The following MACROD2 variants were observed in gnomAD, a reference collection of about 807,000 sequenced individuals.
MACROD2 encodes mono-ADP ribosylhydrolase 2.
MACROD2 carries 36 observed loss-of-function variants against 70.4 expected under a neutral mutation model. The ratio of observed to expected loss-of-function variants is 0.51; its 90% CI spans 0.39 to 0.68. MACROD2 has a LOEUF of 0.68. Ranked by LOEUF, MACROD2 falls within the 30% of genes least tolerant of loss-of-function variation. The probability of loss-of-function intolerance (pLI) is 0.00; values close to 1 mark genes in which losing one functional copy is unlikely to be tolerated. For missense variants in MACROD2, 496 were observed against 538.4 expected, an observed-to-expected ratio of 0.92 and a Z score of 0.78; for synonymous variants, 172 against 178.8, an observed-to-expected ratio of 0.96 and a Z score of 0.30.
chr20:14,113,231 T>A (rs2054475009), intron 3 of MACROD2, among the ~76,000 whole-genome samples: 1 of 152,046 alleles, frequency 6.6e-6, no homozygotes, highest in Non-Finnish European at 1.5e-5. Flanking sequence ...GGCAGCAGCT[T>A]TTTCACTACT....
chr20:14,172,144 A>G (rs1202972800), intron 3 of MACROD2, among the ~76,000 whole-genome samples: 1 of 152,092 alleles, frequency 6.6e-6, no homozygotes, highest in Non-Finnish European at 1.5e-5. Flanking sequence ...TGCCTGATAT[A>G]GGAATAGGTA....
At chr20:14,039,001 T>C (rs2053353864) in intron 2 of MACROD2, among the ~76,000 whole-genome samples, 1 of 152,222 alleles carries the variant, frequency 6.6e-6, no homozygotes, top group South Asian at 2.1e-4. Flanking sequence ...ATCAGCATGC[T>C]CTATGAACTT....
chr20:15,597,817 G>A (rs529896648), intron 8 of MACROD2, among the ~76,000 whole-genome samples: 170 of 152,338 alleles, frequency 1.1e-3, no homozygotes, highest in African/African-American at 3.9e-3. Context: ...GGTGGCTCAC[G>A]CCTGTAGTCC....
intron 9 of MACROD2, among the ~76,000 whole-genome samples, chr20:15,882,532 G>A (rs764213258): frequency 1.3e-5 from 2 of 151,970 alleles, no homozygotes; most frequent in African/African-American, 2.4e-5. Flanking sequence ...CTTTTTTGGG[G>A]CTACTGTTTC....
In MACROD2 at chr20:15,136,116, C is replaced by G. The variant is rs950764985; in HGVS notation, c.419-93824C>G. 7.0e-4 allele frequency among the ~76,000 whole-genome samples: 105 copies of G among 150,762 alleles called. 1 individual carries two copies. Among genetic ancestry groups the G allele is most frequent in the Middle Eastern group, 3.4e-3 (1 of 294 alleles). On this transcript the variant is annotated intron_variant, in intron 5 of 17. Transcript: ENST00000684519. ...GCTCATGGATAGGAAGAATCAATAT[C>G]GTGAAAATGGCCATACTGCCCAAGG...
chr20:15,619,266 A>G (rs1223327931), intron 8 of MACROD2, among the ~76,000 whole-genome samples: 1 of 152,208 alleles, frequency 6.6e-6, no homozygotes, highest in Non-Finnish European at 1.5e-5. Context: ...AAGGGCTGCT[A>G]TCGTCTTTGT....
At chr20:14,618,440 A>G (rs1983608862) in intron 4 of MACROD2, among the ~76,000 whole-genome samples, 3 of 152,122 alleles carry the variant, frequency 2.0e-5, no homozygotes, top group African/African-American at 7.2e-5. Flanking sequence ...TTATAGAACA[A>G]TGTCTCTTAG....
At chr20:14,366,345 T>C (rs952291901) in intron 3 of MACROD2, among the ~76,000 whole-genome samples, 14 of 150,732 alleles carry the variant, frequency 9.3e-5, no homozygotes, top group Non-Finnish European at 1.9e-4. Context: ...TTTATCTATA[T>C]ATAGTGTCCT....
chr20:14,039,848 TTTGA>T (rs2053367802), intron 2 of MACROD2, among the ~76,000 whole-genome samples: 1 of 151,872 alleles, frequency 6.6e-6, no homozygotes, highest in Non-Finnish European at 1.5e-5. Context: ...ACAGGAATAA[TTTGA>T]TTGAAGACTA....
At chr20:14,209,804 TCATAGCCA>T (rs765353444) in intron 3 of MACROD2, among the ~76,000 whole-genome samples, 41 of 152,312 alleles carry the variant, frequency 2.7e-4, no homozygotes, top group Admixed American at 5.2e-4. Flanking sequence ...GAATTCAGTC[TCATAGCCA>T]CTTAGTCGCA....
At chr20:14,053,764 T>C (rs1569136677) in intron 2 of MACROD2, 1 of 152,142 alleles carries the variant, frequency 6.6e-6, no homozygotes, top group Non-Finnish European at 1.5e-5. Flanking sequence ...ACTTAAATTT[T>C]ATTTTTTACA....
intron 8 of MACROD2, among the ~76,000 whole-genome samples, chr20:15,838,888 A>AGTT (rs10627335): frequency 0.81 from 123,661 of 151,888 alleles, 50,767 homozygotes; most frequent in African/African-American, 0.92. Flanking sequence ...CCCAGAAGTC[A>AGTT]GTTAGTATAA....
chr20:14,486,002 A>G (rs1017263541), intron 3 of MACROD2, among the ~76,000 whole-genome samples: 2 of 152,140 alleles, frequency 1.3e-5, no homozygotes, highest in Non-Finnish European at 2.9e-5. Context: ...TAGGCTAGCC[A>G]TCATCAGTGA....
chr20:15,230,200 T>G (rs1450093079), intron 6 of MACROD2, 139 bp downstream of exon 6: 6 of 697,716 alleles, frequency 8.6e-6, no homozygotes, highest in Non-Finnish European at 1.3e-5. Context: ...CCGATTTGGT[T>G]ATCATGACTC....
intron 5 of MACROD2, among the ~76,000 whole-genome samples, chr20:14,961,099 C>T (rs779384497): frequency 1.7e-4 from 26 of 152,240 alleles, no homozygotes; most frequent in Admixed American, 6.5e-5. Context: ...TTATTCTGCA[C>T]TCATTATATA....
chr20:14,184,034 A>G (rs139499508), intron 3 of MACROD2, among the ~76,000 whole-genome samples: 2,064 of 152,170 alleles, frequency 0.014, 20 homozygotes, highest in South Asian at 0.037. Flanking sequence ...GGAGTTCTTT[A>G]GTTTAATTAG....
intron 7 of MACROD2, among the ~76,000 whole-genome samples, chr20:15,469,538 A>G (rs2146431464): frequency 6.6e-6 from 1 of 152,278 alleles, no homozygotes; most frequent in African/African-American, 2.4e-5. Context: ...AGGCAGGGTC[A>G]TGCCTGGCAG....
intron 5 of MACROD2, chr20:14,893,095 G>A (rs557083638): frequency 2.0e-5 from 3 of 152,214 alleles, no homozygotes; most frequent in Admixed American, 6.5e-5. Flanking sequence ...ATGTCTTCAA[G>A]GTTTAGCCAT....
intron 6 of MACROD2, among the ~76,000 whole-genome samples, chr20:15,351,215 C>G (rs1007063484): frequency 6.6e-6 from 1 of 152,006 alleles, no homozygotes; most frequent in Non-Finnish European, 1.5e-5. Flanking sequence ...ACAACAACAC[C>G]CCTAAATCTC....
Sources: gnomAD v4.1 joint callset for allele counts (sites outside exome capture counted in the v4.1 genomes callset) on GRCh38, gnomAD v4.1.1 for gene constraint, MANE v1.5 for transcripts, NCBI Gene and HGNC (gene_info 2026-07-23, HGNC 2026-07-21) for gene names.